Variants in PDE4B observed in about 807,000 individuals in gnomAD.
PDE4B encodes 3',5'-cyclic-AMP phosphodiesterase 4B.
A neutral mutation model predicts 82.2 loss-of-function variants in PDE4B; 20 were observed. The ratio of observed to expected loss-of-function variants is 0.24; its 90% CI spans 0.17 to 0.35. PDE4B has a LOEUF of 0.35. PDE4B is among the 10% of genes least tolerant of loss of function. The probability of loss-of-function intolerance (pLI) is 1.00; values close to 1 mark genes in which losing one functional copy is unlikely to be tolerated. For missense variants in PDE4B, 655 were observed against 907.2 expected (o/e 0.72, Z 3.57); for synonymous variants, 320 against 318.9 (o/e 1.00, Z -0.04).
intron 9 of PDE4B, 89 bp downstream of exon 9, chr1:66,355,709 T>C (rs1477963520): frequency 1.4e-6 from 1 of 697,984 alleles, no homozygotes; most frequent in African/African-American, 1.8e-5. Flanking sequence ...TCATGTGAAT[T>C]TGGGATGGAG....
At chr1:66,099,965 G>T (rs1329664020) in intron 3 of PDE4B, among the ~76,000 whole-genome samples, 1 of 152,028 alleles carries the variant, frequency 6.6e-6, no homozygotes, top group Non-Finnish European at 1.5e-5. Context: ...CATCAAAGAA[G>T]TCTTCCCTGG....
intron 3 of PDE4B, among the ~76,000 whole-genome samples, chr1:66,228,867 A>G (rs1471347067): frequency 7.0e-5 from 10 of 143,876 alleles, no homozygotes; most frequent in Non-Finnish European, 1.4e-4. Context: ...GGTAAAAAGC[A>G]AAAGATAAAG....
chr1:66,284,275 C>T (rs903995819), intron 7 of PDE4B, among the ~76,000 whole-genome samples: 11 of 152,054 alleles, frequency 7.2e-5, no homozygotes, highest in African/African-American at 1.2e-4. Context: ...TCCCATAGCT[C>T]GGTCATTCAT....
At chr1:66,367,880 C>A in intron 14 of PDE4B, 30 bp downstream of exon 14, 1 of 1,612,686 alleles carries the variant, frequency 6.2e-7, no homozygotes, top group African/African-American at 1.3e-5. Context: ...ACATTCCTCA[C>A]TTACTGCCAT....
intron 13 of PDE4B, among the ~76,000 whole-genome samples, chr1:66,366,214 A>G (rs549688490): frequency 6.6e-6 from 1 of 152,260 alleles, no homozygotes; most frequent in South Asian, 2.1e-4. Context: ...ATAAGATGCC[A>G]TAAAAAGCAC....
chr1:66,256,903 T>C (rs1014057387), intron 4 of PDE4B, among the ~76,000 whole-genome samples: 5 of 152,192 alleles, frequency 3.3e-5, no homozygotes, highest in Admixed American at 1.3e-4. Context: ...GTACCTTCAA[T>C]AGAGAGTTTG....
intron 3 of PDE4B, among the ~76,000 whole-genome samples, chr1:66,188,594 CTTCT>C (rs1196134899): frequency 6.6e-6 from 1 of 151,414 alleles, no homozygotes; most frequent in Non-Finnish European, 1.5e-5. Context: ...ATGTAATGGC[CTTCT>C]TTGTCTCTTT....
At chr1:65,936,117 T>C (rs1189694258) in intron 3 of PDE4B, among the ~76,000 whole-genome samples, 1 of 152,054 alleles carries the variant, frequency 6.6e-6, no homozygotes, top group Admixed American at 6.5e-5. Flanking sequence ...CCTTGCAGGA[T>C]CAGGATCATC....
At chr1:65,826,843 C>T (rs1279741297) in intron 1 of PDE4B, among the ~76,000 whole-genome samples, 1 of 152,104 alleles carries the variant, frequency 6.6e-6, no homozygotes, top group African/African-American at 2.4e-5. Context: ...AAGAATGAAG[C>T]TGAATCAGAA....
Position 66,205,426 on chromosome 1 carries a change from A to T in PDE4B, c.282-42034A>T, listed in dbSNP as rs568151969. On this transcript the variant is annotated intron_variant, in intron 3 of 16. Coordinates refer to ENST00000341517, the MANE Select transcript of PDE4B (RefSeq NM_002600.4). ...TCTCTTTGAGCTTATGTATTCTTTA[A>T]TGCTGTTAAGGTAATTCTGTTTGTA... is the stretch of plus-strand genomic sequence containing the variant. Among the ~76,000 whole-genome samples the T allele has an allele frequency of 2.6e-5, 4 of 152,300 alleles. No individual in the cohort carries two copies. The East Asian group carries it at 7.7e-4, about 29-fold the overall frequency.
chr1:66,059,349 T>C (rs987902453), intron 3 of PDE4B, among the ~76,000 whole-genome samples: 130 of 152,366 alleles, frequency 8.5e-4, no homozygotes, highest in African/African-American at 2.8e-3. Flanking sequence ...CTCTGCCTGT[T>C]ACCCAGTTCC....
intron 3 of PDE4B, among the ~76,000 whole-genome samples, chr1:66,120,805 A>G (rs969407814): frequency 2.0e-4 from 31 of 152,042 alleles, no homozygotes; most frequent in African/African-American, 5.8e-4. Flanking sequence ...TGCTATCTCC[A>G]TGGGTCCCAC....
intron 3 of PDE4B, among the ~76,000 whole-genome samples, chr1:66,105,337 C>T (rs945968220): frequency 1.3e-5 from 2 of 151,796 alleles, no homozygotes; most frequent in Non-Finnish European, 2.9e-5. Flanking sequence ...ATTTTGGTTA[C>T]TGTAGCCTTG....
intron 1 of PDE4B, among the ~76,000 whole-genome samples, chr1:65,897,435 A>T (rs939848770): frequency 2.0e-5 from 3 of 152,108 alleles, no homozygotes; most frequent in African/African-American, 7.2e-5. Flanking sequence ...TACTTGGGTA[A>T]TACTGAGGTT....
intron 3 of PDE4B, among the ~76,000 whole-genome samples, chr1:65,940,690 A>G (rs763160452): frequency 3.4e-4 from 52 of 152,076 alleles, no homozygotes; most frequent in Non-Finnish European, 4.0e-4. Context: ...TTGATTTGCT[A>G]GGTTGATAGT....
At chr1:66,226,197 TC>T (rs1457525976) in intron 3 of PDE4B, among the ~76,000 whole-genome samples, 3 of 152,362 alleles carry the variant, frequency 2.0e-5, no homozygotes, top group Non-Finnish European at 4.4e-5. Context: ...CTTTTTATTA[TC>T]TTTCTATCTC....
At chr1:66,360,161 T>C (rs987535748) in intron 9 of PDE4B, among the ~76,000 whole-genome samples, 1 of 152,172 alleles carries the variant, frequency 6.6e-6, no homozygotes, top group Non-Finnish European at 1.5e-5. Flanking sequence ...TGGACTAGGT[T>C]GGAAACCCCT....
At chr1:66,185,175 G>A (rs1207330357) in intron 3 of PDE4B, among the ~76,000 whole-genome samples, 1 of 152,082 alleles carries the variant, frequency 6.6e-6, no homozygotes, top group Non-Finnish European at 1.5e-5. Context: ...TGAACTCATC[G>A]TTTTTTATGG....
At chr1:65,968,674 C>T (rs1278509870) in intron 3 of PDE4B, among the ~76,000 whole-genome samples, 2 of 152,112 alleles carry the variant, frequency 1.3e-5, no homozygotes, top group Non-Finnish European at 2.9e-5. Flanking sequence ...AGAATAAACA[C>T]AAATTTGGTG....
Sources: gnomAD v4.1 joint callset for allele counts (sites outside exome capture counted in the v4.1 genomes callset) on GRCh38, gnomAD v4.1.1 for gene constraint, MANE v1.5 for transcripts, NCBI Gene and HGNC (gene_info 2026-07-23, HGNC 2026-07-21) for gene names.